Variants in SLC24A4 observed in about 807,000 individuals in gnomAD.
The protein encoded by SLC24A4 is sodium/potassium/calcium exchanger 4.
A neutral mutation model predicts 79.0 loss-of-function variants in SLC24A4; 53 were observed. The ratio of observed to expected loss-of-function variants is 0.67; its 90% CI spans 0.54 to 0.84. SLC24A4 has a LOEUF of 0.84. Among genes scored for constraint, SLC24A4 ranks in the 40% least tolerant of loss-of-function variants. SLC24A4 has a pLI of 0.00. For synonymous variants in SLC24A4, 323 were observed against 323.8 expected (o/e 1.00, Z 0.03); for missense variants, 731 against 822.0 (o/e 0.89, Z 1.35).
chr14:92,487,518 A>G (rs1895437069), intron 14 of SLC24A4, among the ~76,000 whole-genome samples: 1 of 152,094 alleles, frequency 6.6e-6, no homozygotes, highest in Non-Finnish European at 1.5e-5. Context: ...CTCCAAGATA[A>G]AGGGTTGATT....
chr14:92,331,642 G>T (rs1242433483), intron 2 of SLC24A4, among the ~76,000 whole-genome samples: 5 of 152,188 alleles, frequency 3.3e-5, no homozygotes, highest in African/African-American at 1.2e-4. Context: ...GACTATAAAA[G>T]GTGAAAGCCT....
At chr14:92,361,601 A>G (rs1420126371) in intron 2 of SLC24A4, among the ~76,000 whole-genome samples, 1 of 152,228 alleles carries the variant, frequency 6.6e-6, no homozygotes, top group African/African-American at 2.4e-5. Flanking sequence ...GGAGACAGCA[A>G]TAACGTAAAA....
At chr14:92,447,077 T>C (rs537398158) in intron 8 of SLC24A4, among the ~76,000 whole-genome samples, 2 of 152,312 alleles carry the variant, frequency 1.3e-5, no homozygotes, top group African/African-American at 4.8e-5. Context: ...TGGGACATGG[T>C]GGCCCTAGTC....
At chr14:92,372,583 G>A (rs1807148) in intron 2 of SLC24A4, among the ~76,000 whole-genome samples, 132,210 of 152,082 alleles carry the variant, frequency 0.87, 58,155 homozygotes, top group Middle Eastern at 0.96. Flanking sequence ...ACTCTCTCAG[G>A]GAGTATGGGT....
rs758175553 is a variant in SLC24A4 at position 92,495,981 on chromosome 14, A to G, written c.*2353A>G. 5.3e-5 allele frequency: 8 copies of G among 152,360 alleles called. No homozygotes were observed. The highest frequency in any genetic ancestry group is 7.3e-5 in the Non-Finnish European group (5 of 68,050). 9.4% of individuals were successfully genotyped at this position (152,360 alleles called of 1,614,324 possible). A position where few individuals can be genotyped will look rare whatever the true frequency, so the allele number is the denominator to read the frequency against. On this transcript the variant is annotated 3_prime_UTR_variant, in exon 17 of 17. Coordinates refer to ENST00000532405, the MANE Select transcript of SLC24A4 (RefSeq NM_153646.4). Reference sequence around the variant, plus strand: ...TTTTAGCTATGGCAAGGCACAGGCCACATGGCCCCTGATGGCGTCCCTGCT... The same window carrying G: ...TTTTAGCTATGGCAAGGCACAGGCCGCATGGCCCCTGATGGCGTCCCTGCT...
At chr14:92,439,430 A>G in intron 4 of SLC24A4, 21 bp downstream of exon 4, 1 of 1,606,388 alleles carries the variant, frequency 6.2e-7, no homozygotes, top group Non-Finnish European at 8.5e-7. Context: ...GGGACTTGGG[A>G]CACCTTGGTG....
chr14:92,483,816 C>T (rs894124079), intron 13 of SLC24A4: 21 of 1,289,872 alleles, frequency 1.6e-5, no homozygotes, highest in Non-Finnish European at 2.0e-5. Flanking sequence ...TAGTGGTTAA[C>T]ATCGAGTCCC....
intron 2 of SLC24A4, among the ~76,000 whole-genome samples, chr14:92,347,584 T>A (rs1886612531): frequency 6.6e-6 from 1 of 152,250 alleles, no homozygotes; most frequent in African/African-American, 2.4e-5. Context: ...TTACTTGGCT[T>A]TCAACCTTTT....
intron 2 of SLC24A4, among the ~76,000 whole-genome samples, chr14:92,419,108 C>T (rs1891143542): frequency 6.6e-6 from 1 of 152,120 alleles, no homozygotes; most frequent in Admixed American, 6.6e-5. Flanking sequence ...AGATGTTAAC[C>T]ACATCTATAA....
intron 7 of SLC24A4, 104 bp downstream of exon 7, chr14:92,443,578 C>G: frequency 8.5e-7 from 1 of 1,178,642 alleles, no homozygotes; most frequent in South Asian, 1.3e-5. Context: ...AGAGGACTCA[C>G]AGCACACAAT....
intron 14 of SLC24A4, among the ~76,000 whole-genome samples, chr14:92,487,238 G>A (rs922406321): frequency 2.6e-5 from 4 of 152,218 alleles, no homozygotes; most frequent in Non-Finnish European, 4.4e-5. Context: ...GGCTTACTAC[G>A]TGGCATGGGC....
intron 8 of SLC24A4, among the ~76,000 whole-genome samples, chr14:92,446,135 T>C (rs992967722): frequency 1.3e-5 from 2 of 152,048 alleles, no homozygotes; most frequent in African/African-American, 4.8e-5. Context: ...ATAAAAATTT[T>C]CTTTTGATTG....
intron 2 of SLC24A4, among the ~76,000 whole-genome samples, chr14:92,356,743 A>G (rs1887203660): frequency 6.6e-6 from 1 of 152,196 alleles, no homozygotes; most frequent in Admixed American, 6.5e-5. Flanking sequence ...CTATGGACAC[A>G]CAGTGATGTC....
At chr14:92,474,825 AT>A (rs1773195503) in intron 12 of SLC24A4, among the ~76,000 whole-genome samples, 2 of 31,800 alleles carry the variant, frequency 6.3e-5, no homozygotes, top group African/African-American at 1.8e-4. Context: ...ATATATACAT[AT>A]ATATGTGTGT....
chr14:92,491,860 G>A (rs993752232), intron 15 of SLC24A4, 83 bp downstream of exon 15: 2 of 1,080,142 alleles, frequency 1.9e-6, no homozygotes, highest in South Asian at 1.3e-5. Context: ...GGCTCTAGGA[G>A]ACGACCTCCT....
rs566461566 is a variant in SLC24A4 at position 92,453,778 on chromosome 14, G to A, written c.881-122G>A. ...AAGCCAGGCATCCAGACTTCCCGGTGGCTGCCAGCTGCCAGGACCACAGCC... is the reference window on the plus strand; with the variant it reads ...AAGCCAGGCATCCAGACTTCCCGGTAGCTGCCAGCTGCCAGGACCACAGCC... On this transcript the variant is annotated intron_variant, in intron 10 of 16. Coordinates refer to ENST00000532405, the MANE Select transcript of SLC24A4 (RefSeq NM_153646.4). 42 of 1,099,450 alleles carry A rather than the reference G, an allele frequency of 3.8e-5. No homozygotes were observed. In the African/African-American group the frequency reaches 6.2e-4, roughly 16 times the overall value. 68.1% of individuals were successfully genotyped at this position (1,099,450 alleles called of 1,614,324 possible).
chr14:92,485,088 T>G (rs1895279994), intron 13 of SLC24A4, among the ~76,000 whole-genome samples: 1 of 152,230 alleles, frequency 6.6e-6, no homozygotes, highest in Non-Finnish European at 1.5e-5. Context: ...GCTGTTTCCA[T>G]GCTTCCATGA....
chr14:92,377,079 C>T (rs901110157), intron 2 of SLC24A4, among the ~76,000 whole-genome samples: 1 of 152,182 alleles, frequency 6.6e-6, no homozygotes, highest in African/African-American at 2.4e-5. Context: ...GGGTGTCTCC[C>T]CACCTCATGG....
chr14:92,323,823 G>T lies in SLC24A4; in HGVS notation c.-8G>T, dbSNP rs756158687. On this transcript the variant is annotated 5_prime_UTR_variant, in exon 1 of 17. Transcript: ENST00000532405. This position sits in a 1 kb window ranked among gnomAD's most constrained non-coding sequence, Gnocchi z 4.9. ...CCTCTCCCAGAGACGGCACCCAGGC[G>T]CTCCGGGATGGCGCTCCGCGGGACC... 3 of 1,563,614 alleles carry T rather than the reference G, an allele frequency of 1.9e-6. No individual in the cohort carries two copies. In the African/African-American group the frequency reaches 4.0e-5, roughly 21 times the overall value.
Sources: gnomAD v4.1 joint callset for allele counts (sites outside exome capture counted in the v4.1 genomes callset) on GRCh38, gnomAD v4.1.1 for gene constraint, Gnocchi (gnomAD v3.1) non-coding constraint, MANE v1.5 for transcripts, NCBI Gene and HGNC (gene_info 2026-07-23, HGNC 2026-07-21) for gene names.